SLC33A1: variants seen among roughly 807,000 people sequenced by gnomAD.
SLC33A1 encodes the protein solute carrier family 33 member 1.
Under a neutral mutation model 50.0 loss-of-function variants are expected in SLC33A1, and 20 were observed. The observed-to-expected ratio is 0.40, with a 90% CI of 0.28 to 0.58. The LOEUF (loss-of-function observed/expected upper bound fraction) is 0.58, where lower values mean the gene tolerates loss of function less well. SLC33A1 is among the 20% of genes least tolerant of loss of function. The pLI is 0.44. For synonymous variants in SLC33A1, 265 were observed against 251.8 expected (o/e 1.05, Z -0.50); for missense variants, 476 against 657.0 (o/e 0.72, Z 3.01).
chr3:155,829,886 C>T lies in SLC33A1; in HGVS notation c.1284G>A (p.Met428Ile), dbSNP rs769034906. The part of the protein sequence containing the change: ...YALHQVTVYS[M>I]YVSIMAFNAK... ...CATTGAAAGCCATTATAGAAACATA[C>T]ATGCTGTACACTGTAACCTACGGAA... Residue 428 changes from methionine (M) to isoleucine (I), a missense_variant, in exon 5 of 6, where the codon ATG (methionine) becomes ATA (isoleucine). Coordinates refer to ENST00000643144, the MANE Select transcript of SLC33A1 (RefSeq NM_004733.4). 5 of 1,609,934 alleles carry T rather than the reference C, an allele frequency of 3.1e-6. No homozygotes were observed. The highest frequency in any genetic ancestry group is 2.7e-5 in the African/African-American group (2 of 74,822).
intron 2 of SLC33A1, among the ~76,000 whole-genome samples, chr3:155,836,123 A>C (rs1173604090): frequency 1.3e-5 from 2 of 151,552 alleles, no homozygotes; most frequent in Non-Finnish European, 2.9e-5. Context: ...ATCTCCACTA[A>C]AAATACAAAA....
At chr3:155,845,834 G>A (rs1753150857) in intron 1 of SLC33A1, among the ~76,000 whole-genome samples, 1 of 151,992 alleles carries the variant, frequency 6.6e-6, no homozygotes, top group Non-Finnish European at 1.5e-5. Flanking sequence ...TAACATTTTG[G>A]TTAATTTTGA....
Position 155,853,892 on chromosome 3 carries a change from C to A in SLC33A1, c.106G>T (p.Asp36Tyr). 6.4e-7 allele frequency: 1 copy of A among 1,551,238 alleles called. No homozygotes were observed. The highest frequency in any genetic ancestry group is 8.7e-7 in the Non-Finnish European group (1 of 1,151,182). The change falls in exon 1 of 6, where the codon GAT (aspartate) becomes TAT (tyrosine). Residue 36 changes from aspartate (D) to tyrosine (Y), a missense_variant. Asp to Tyr is a radical substitution (Grantham distance 160). Transcript: ENST00000643144. Reference sequence around the variant, plus strand: ...CCCGCTGAGTCCAAATGACTGTCATCCCAACCGCCTGGCGGCAGGGGACCG... The same window carrying A: ...CCCGCTGAGTCCAAATGACTGTCATACCAACCGCCTGGCGGCAGGGGACCG... ...KSGPLPPGGW[D>Y]DSHLDSAGRE...
In SLC33A1 at chr3:155,822,832, T is replaced by G. The variant is rs1182839372; in HGVS notation, c.*5378A>C. ...TTTCATTACACATTTGGGCAAAATT[T>G]TTTTAGAGTAAAGGTGATTAGTCAT... On this transcript the variant is annotated 3_prime_UTR_variant, in exon 6 of 6. Coordinates refer to ENST00000643144, the MANE Select transcript of SLC33A1 (RefSeq NM_004733.4). The G allele has an allele frequency of 2.0e-5, 3 of 152,174 alleles. No homozygotes were observed. Among genetic ancestry groups the G allele is most frequent in the Non-Finnish European group, 4.4e-5 (3 of 68,032 alleles). 9.4% of individuals were successfully genotyped at this position (152,174 alleles called of 1,614,324 possible). A position where few individuals can be genotyped will look rare whatever the true frequency, so the allele number is the denominator to read the frequency against.
At chr3:155,839,382 A>AC (rs1325203627) in intron 2 of SLC33A1, among the ~76,000 whole-genome samples, 5 of 147,458 alleles carry the variant, frequency 3.4e-5, no homozygotes, top group Non-Finnish European at 7.5e-5. Flanking sequence ...TCAAAAAAAA[A>AC]AAAAAAAAAA....
intron 5 of SLC33A1, among the ~76,000 whole-genome samples, chr3:155,828,591 A>G (rs1277522684): frequency 6.6e-6 from 1 of 152,134 alleles, no homozygotes; most frequent in Non-Finnish European, 1.5e-5. Flanking sequence ...GCTGTAAACA[A>G]TACTCATTTT....
chr3:155,834,127 A>G (rs1752563146), intron 2 of SLC33A1, 86 bp from the exon 3 acceptor site: 1 of 978,032 alleles, frequency 1.0e-6, no homozygotes, highest in Non-Finnish European at 1.6e-6. Context: ...CAAGAACCTC[A>G]ATTTTATTAC....
intron 5 of SLC33A1, among the ~76,000 whole-genome samples, chr3:155,829,237 G>A (rs367989912): frequency 2.0e-5 from 3 of 152,004 alleles, no homozygotes; most frequent in Admixed American, 6.6e-5. Flanking sequence ...TTTCACATTC[G>A]GAAATGTGAA....
In SLC33A1 at chr3:155,823,909, T is replaced by C. The variant is rs969426671; in HGVS notation, c.*4301A>G. ...TTGTATTTTTAGTAGAGACGGCGTT[T>C]CACCATGTTGGCCAGGCTGGTCTCA... On this transcript the variant is annotated 3_prime_UTR_variant, in exon 6 of 6. Coordinates refer to ENST00000643144, the MANE Select transcript of SLC33A1 (RefSeq NM_004733.4). 2 of 152,090 alleles carry C rather than the reference T, an allele frequency of 1.3e-5. No individual in the cohort carries two copies. Among genetic ancestry groups the C allele is most frequent in the African/African-American group, 4.8e-5 (2 of 41,404 alleles). 9.4% of individuals were successfully genotyped at this position (152,090 alleles called of 1,614,324 possible).
rs368778917 is a variant in SLC33A1 at position 155,842,396 on chromosome 3, T to A, written c.963+36A>T. 8.7e-6 allele frequency: 12 copies of A among 1,385,822 alleles called. No homozygotes were observed. In the South Asian group the frequency reaches 1.2e-4, roughly 14 times the overall value. The allele number at this position is 1,385,822 out of a possible 1,614,324, so 85.8% of individuals were successfully genotyped here. ...AAGTATTCCATGATATTGATACTTATAAGAAAATGATAAATTTGATTTATA... is the reference window on the plus strand; with the variant it reads ...AAGTATTCCATGATATTGATACTTAAAAGAAAATGATAAATTTGATTTATA... On this transcript the variant is annotated intron_variant, in intron 2 of 5. Transcript: ENST00000643144.
Position 155,825,118 on chromosome 3 carries a change from T to C in SLC33A1, c.*3092A>G, listed in dbSNP as rs1752172310. 2.0e-5 allele frequency: 3 copies of C among 152,092 alleles called. No homozygotes were observed. The highest frequency in any genetic ancestry group is 2.0e-4 in the Admixed American group (3 of 15,242). 9.4% of individuals were successfully genotyped at this position (152,092 alleles called of 1,614,324 possible). On this transcript the variant is annotated 3_prime_UTR_variant, in exon 6 of 6. Coordinates refer to ENST00000643144, the MANE Select transcript of SLC33A1 (RefSeq NM_004733.4). ...AGCTGGGCATAGTGCTGTGTGCCTG[T>C]AGTCCTAGCTACCAGAGAGGCTGAG...
rs547518542 is a variant in SLC33A1, at chr3:155,825,196, C to T, written c.*3014G>A. ...ACAGGGTCTCACTCTGTCACCCAGA[C>T]AGGAATGTAGTACCACAATCACTGC... On this transcript the variant is annotated 3_prime_UTR_variant, in exon 6 of 6. Coordinates refer to ENST00000643144, the MANE Select transcript of SLC33A1 (RefSeq NM_004733.4). 1.3e-5 allele frequency: 2 copies of T among 152,170 alleles called. No individual in the cohort carries two copies. Among genetic ancestry groups the T allele is most frequent in the Admixed American group, 6.6e-5 (1 of 15,248 alleles). The allele number at this position is 152,170 out of a possible 1,614,324, so 9.4% of individuals were successfully genotyped here.
intron 1 of SLC33A1, among the ~76,000 whole-genome samples, chr3:155,846,072 C>T (rs1174313047): frequency 1.3e-5 from 2 of 152,120 alleles, no homozygotes; most frequent in Non-Finnish European, 2.9e-5. Flanking sequence ...AGTGCTTTCA[C>T]GAATGCAGAA....
At chr3:155,835,388 G>C (rs756891903) in intron 2 of SLC33A1, among the ~76,000 whole-genome samples, 1 of 152,132 alleles carries the variant, frequency 6.6e-6, no homozygotes, top group Non-Finnish European at 1.5e-5. Context: ...AAGAGACCTC[G>C]GCAGAGCTTC....
intron 2 of SLC33A1, among the ~76,000 whole-genome samples, chr3:155,839,398 AG>A (rs1752838302): frequency 6.8e-6 from 1 of 146,906 alleles, no homozygotes; most frequent in African/African-American, 2.5e-5. Context: ...AAAAAAAAAA[AG>A]TCTACTGGAA....
chr3:155,853,252 G>C lies in SLC33A1; in HGVS notation c.746C>G (p.Pro249Arg). The C allele has an allele frequency of 6.2e-7, 1 of 1,613,948 alleles. No individual in the cohort carries two copies. The highest frequency in any genetic ancestry group is 1.7e-5 in the Admixed American group (1 of 60,012). The change falls in exon 1 of 6, where the codon CCT (proline) becomes CGT (arginine). Residue 249 changes from proline to arginine, a missense_variant. By Grantham distance (103) the Pro-to-Arg change is moderately radical. Coordinates refer to ENST00000643144, the MANE Select transcript of SLC33A1 (RefSeq NM_004733.4). ...DFCNKYLRFQPQPRGIVTLSD... is the reference protein window; with the variant it reads ...DFCNKYLRFQRQPRGIVTLSD... ...AAGAGTAACGATTCCTCTGGGTTGAGGCTGAAACCGCAAATATTTGTTACA... is the reference window on the plus strand; with the variant it reads ...AAGAGTAACGATTCCTCTGGGTTGACGCTGAAACCGCAAATATTTGTTACA...
chr3:155,847,844 T>C (rs1021102691), intron 1 of SLC33A1, among the ~76,000 whole-genome samples: 5 of 152,214 alleles, frequency 3.3e-5, no homozygotes, highest in African/African-American at 1.2e-4. Flanking sequence ...GATTCATACT[T>C]ATAGCATCAA....
intron 2 of SLC33A1, among the ~76,000 whole-genome samples, chr3:155,840,506 AC>A (rs1560017835): frequency 6.7e-6 from 1 of 149,380 alleles, no homozygotes; most frequent in African/African-American, 2.5e-5. Flanking sequence ...ACAGGGTGAA[AC>A]CCTCTCTTCA....
Position 155,821,827 on chromosome 3 carries a change from T to C in SLC33A1, c.*6383A>G, listed in dbSNP as rs1426813747. ...TCACTCTATTGCCCAGGCTGGAGAA[T>C]AGTAGCACAATCTCGGCTCACTGCA... On this transcript the variant is annotated 3_prime_UTR_variant, in exon 6 of 6. Transcript: ENST00000643144. The C allele has an allele frequency of 6.7e-6, 1 of 148,480 alleles. No individual in the cohort carries two copies. The highest frequency in any genetic ancestry group is 2.5e-5 in the African/African-American group (1 of 40,304). 9.2% of individuals were successfully genotyped at this position (148,480 alleles called of 1,614,324 possible). A position where few individuals can be genotyped will look rare whatever the true frequency, so the allele number is the denominator to read the frequency against.
Sources: gnomAD v4.1 joint callset for allele counts (sites outside exome capture counted in the v4.1 genomes callset) on GRCh38, gnomAD v4.1.1 for gene constraint, MANE v1.5 for transcripts, NCBI Gene and HGNC (gene_info 2026-07-23, HGNC 2026-07-21) for gene names.